The following NKAIN3 variants were observed in gnomAD, a reference collection of about 807,000 sequenced individuals.
NKAIN3 encodes sodium/potassium transporting ATPase interacting 3.
Under a neutral mutation model 30.2 loss-of-function variants are expected in NKAIN3, and 25 were observed. The ratio of observed to expected loss-of-function variants is 0.83; its 90% CI spans 0.60 to 1.16. The LOEUF (loss-of-function observed/expected upper bound fraction) is 1.16. Among genes scored for constraint, NKAIN3 ranks in the 50% most tolerant of loss-of-function variants. NKAIN3 has a pLI of 0.00. For missense variants in NKAIN3, 225 were observed against 254.1 expected (o/e 0.89, Z 0.78); for synonymous variants, 91 against 89.6 (o/e 1.02, Z -0.09).
At chr8:62,590,695 C>CT (rs1406284351) in intron 3 of NKAIN3, among the ~76,000 whole-genome samples, 1 of 151,840 alleles carries the variant, frequency 6.6e-6, no homozygotes, top group Non-Finnish European at 1.5e-5. Flanking sequence ...AGCAAGGATA[C>CT]TTTAAGAATT....
chr8:62,530,363 C>G (rs1184865092), intron 1 of NKAIN3, among the ~76,000 whole-genome samples: 1 of 152,098 alleles, frequency 6.6e-6, no homozygotes, highest in Non-Finnish European at 1.5e-5. Context: ...AAAGTTAGGT[C>G]TTTATCCTGT....
At chr8:62,506,200 C>T (rs933947432) in intron 1 of NKAIN3, among the ~76,000 whole-genome samples, 20 of 140,270 alleles carry the variant, frequency 1.4e-4, no homozygotes, top group Non-Finnish European at 2.9e-4. Flanking sequence ...AATATATTTA[C>T]AGGTTTCAGG....
chr8:62,475,878 T>A (rs1806503229), intron 1 of NKAIN3, among the ~76,000 whole-genome samples: 1 of 152,138 alleles, frequency 6.6e-6, no homozygotes, highest in African/African-American at 2.4e-5. Flanking sequence ...TAAGAACAAG[T>A]ACTGTGGCAG....
intron 1 of NKAIN3, among the ~76,000 whole-genome samples, chr8:62,488,098 A>T (rs922313770): frequency 7.2e-5 from 11 of 152,180 alleles, no homozygotes; most frequent in African/African-American, 2.7e-4. Context: ...CTGAAGTTTT[A>T]TAAAGTTGGA....
intron 1 of NKAIN3, among the ~76,000 whole-genome samples, chr8:62,492,634 G>A (rs894409326): frequency 7.2e-5 from 11 of 152,124 alleles, no homozygotes; most frequent in African/African-American, 2.4e-4. Context: ...TTGTTACTTC[G>A]CAAATTGTGG....
intron 1 of NKAIN3, among the ~76,000 whole-genome samples, chr8:62,335,800 A>G (rs1203777704): frequency 1.3e-5 from 2 of 152,112 alleles, no homozygotes; most frequent in East Asian, 3.9e-4. Context: ...CTCCTTTTCC[A>G]TAAAAACTTT....
chr8:62,661,667 T>C (rs751898763), intron 3 of NKAIN3, among the ~76,000 whole-genome samples: 1 of 152,288 alleles, frequency 6.6e-6, no homozygotes, highest in Middle Eastern at 3.4e-3. Context: ...CTCATTCTCC[T>C]GATGTCATGA....
chr8:62,631,818 T>C (rs1811970447), intron 3 of NKAIN3, among the ~76,000 whole-genome samples: 1 of 152,216 alleles, frequency 6.6e-6, no homozygotes, highest in African/African-American at 2.4e-5. Context: ...TCAGCCACCC[T>C]ACTGCCATCT....
At chr8:62,920,955 A>G (rs536335032) in intron 5 of NKAIN3, among the ~76,000 whole-genome samples, 1 of 152,300 alleles carries the variant, frequency 6.6e-6, no homozygotes, top group Admixed American at 6.5e-5. Context: ...GGTAGGAAAC[A>G]AAAGTGCAGA....
At chr8:62,423,534 AT>A (rs2129596951) in intron 1 of NKAIN3, among the ~76,000 whole-genome samples, 1 of 151,602 alleles carries the variant, frequency 6.6e-6, no homozygotes, top group South Asian at 2.1e-4. Flanking sequence ...ATTAACACAA[AT>A]TTATGAACTT....
intron 3 of NKAIN3, among the ~76,000 whole-genome samples, chr8:62,603,986 G>A (rs1811052041): frequency 6.6e-6 from 1 of 152,096 alleles, no homozygotes; most frequent in South Asian, 2.1e-4. Context: ...CTTGTAACAA[G>A]ATACCCTTTG....
chr8:62,824,470 C>T (rs986609446), intron 4 of NKAIN3, among the ~76,000 whole-genome samples: 19 of 149,854 alleles, frequency 1.3e-4, no homozygotes, highest in Admixed American at 5.3e-4. Context: ...GCAGTCTAAG[C>T]GGAAAAAATA....
chr8:62,398,942 T>A (rs1420924538), intron 1 of NKAIN3, among the ~76,000 whole-genome samples: 1 of 151,998 alleles, frequency 6.6e-6, no homozygotes. Context: ...ATACAAAAAA[T>A]TAGCTGGGCG....
intron 4 of NKAIN3, among the ~76,000 whole-genome samples, chr8:62,807,782 A>G (rs1818348327): frequency 6.7e-6 from 1 of 148,880 alleles, no homozygotes; most frequent in Admixed American, 6.7e-5. Flanking sequence ...ATATATATAA[A>G]ATACATACAT....
chr8:62,457,470 G>A (rs1805856065), intron 1 of NKAIN3, among the ~76,000 whole-genome samples: 1 of 152,172 alleles, frequency 6.6e-6, no homozygotes, highest in South Asian at 2.1e-4. Flanking sequence ...ATCTGTTGGA[G>A]GGTAAGCATG....
At chr8:62,798,017 A>T (rs994177248) in intron 4 of NKAIN3, among the ~76,000 whole-genome samples, 2 of 152,200 alleles carry the variant, frequency 1.3e-5, no homozygotes, top group African/African-American at 4.8e-5. Flanking sequence ...AAAATGACCC[A>T]TGAGGGTGGT....
intron 5 of NKAIN3, among the ~76,000 whole-genome samples, chr8:62,925,933 C>T (rs1437255685): frequency 6.6e-6 from 1 of 152,138 alleles, no homozygotes; most frequent in Admixed American, 6.5e-5. Flanking sequence ...GGAGGAATCA[C>T]ATCTCCCTAC....
At chr8:62,910,587 G>T (rs1821900414) in intron 4 of NKAIN3, among the ~76,000 whole-genome samples, 1 of 151,714 alleles carries the variant, frequency 6.6e-6, no homozygotes. Flanking sequence ...TTTCTTAGAG[G>T]GTATTTAGAT....
Position 62,978,354 on chromosome 8 carries a change from G to A in NKAIN3, c.*12947G>A, listed in dbSNP as rs555077349. ...CCAGGTGCTCTGTCCCCAGGAGATG[G>A]GAGTTTTATCTATAAGCCCCTGACT... On this transcript the variant is annotated 3_prime_UTR_variant, in exon 7 of 7. Coordinates refer to ENST00000623646, the MANE Select transcript of NKAIN3 (RefSeq NM_001304533.3). 1 of 152,450 alleles carries A rather than the reference G, an allele frequency of 6.6e-6. No homozygotes were observed. The highest frequency in any genetic ancestry group is 2.4e-5 in the African/African-American group (1 of 41,576). 9.4% of individuals were successfully genotyped at this position (152,450 alleles called of 1,614,324 possible).
Sources: allele counts gnomAD v4.1 joint callset (sites outside exome capture counted in the v4.1 genomes callset), GRCh38; gene constraint gnomAD v4.1.1; transcripts MANE v1.5; gene names NCBI Gene and HGNC (gene_info 2026-07-23, HGNC 2026-07-21).